Variants in DNAAF1 observed in about 807,000 individuals in gnomAD.
DNAAF1 encodes dynein assembly factor 1, axonemal.
Under a neutral mutation model 71.1 loss-of-function variants are expected in DNAAF1, and 65 were observed. That is an observed-to-expected ratio of 0.91 (90% CI 0.75 to 1.12). The LOEUF is 1.12. Among genes scored for constraint, DNAAF1 ranks in the 50% most tolerant of loss-of-function variants. DNAAF1 has a pLI of 0.00. For synonymous variants in DNAAF1, 414 were observed against 354.6 expected, an observed-to-expected ratio of 1.17 and a Z score of -1.88; for missense variants, 1,178 against 899.8, an observed-to-expected ratio of 1.31 and a Z score of -3.96.
At chr16:84,151,593 G>C (rs1356391688) in intron 3 of DNAAF1, among the ~76,000 whole-genome samples, 2 of 152,152 alleles carry the variant, frequency 1.3e-5, no homozygotes, top group African/African-American at 4.8e-5. Context: ...GCCCATATTA[G>C]TTATCTATTG....
At chr16:84,150,551 G>A (rs2087133636) in intron 3 of DNAAF1, among the ~76,000 whole-genome samples, 1 of 151,892 alleles carries the variant, frequency 6.6e-6, no homozygotes, top group Admixed American at 6.6e-5. Context: ...ACTGGCTATA[G>A]GAATACCAAG....
intron 1 of DNAAF1, 133 bp from the exon 2 acceptor site, chr16:84,148,874 G>C: frequency 1.9e-6 from 2 of 1,053,210 alleles, no homozygotes; most frequent in Non-Finnish European, 2.8e-6. Context: ...ACAGGCCTGA[G>C]CCACCATACC....
chr16:84,167,402 G>A (rs1339431879), intron 7 of DNAAF1, among the ~76,000 whole-genome samples: 1 of 152,078 alleles, frequency 6.6e-6, no homozygotes, highest in Non-Finnish European at 1.5e-5. Flanking sequence ...TGGATGATTA[G>A]CTCCATTTCC....
chr16:84,165,953 T>TGCG lies in DNAAF1; in HGVS notation c.1030+5_1030+7dup, dbSNP rs1567555149. The TGCG allele has an allele frequency of 6.2e-7, 1 of 1,611,838 alleles. No individual in the cohort carries two copies. Among genetic ancestry groups the TGCG allele is most frequent in the Non-Finnish European group, 8.5e-7 (1 of 1,179,574 alleles). On this transcript the variant is annotated splice_donor_region_variant and intron_variant, in intron 7 of 11. Coordinates refer to ENST00000378553, the MANE Select transcript of DNAAF1 (RefSeq NM_178452.6). ...CAGAGAGAGAGTCAAGAGAGAGGTA[T>TGCG]GCGCTCGGCCGAAGACAACAGCCCC...
chr16:84,146,444 C>CG (rs2086914794), intron 1 of DNAAF1, among the ~76,000 whole-genome samples: 1 of 151,942 alleles, frequency 6.6e-6, no homozygotes. Context: ...TGGCCAGGCA[C>CG]GGTGGCTCAC....
chr16:84,155,710 C>G lies in DNAAF1; in HGVS notation c.702C>G (p.Asp234Glu), dbSNP rs1458576387. The G allele has an allele frequency of 1.2e-6, 2 of 1,614,070 alleles. No individual in the cohort carries two copies. The highest frequency in any genetic ancestry group is 2.2e-5 in the South Asian group (2 of 91,072). Residue 234 changes from aspartate to glutamate, a missense_variant, in exon 5 of 12, where the codon GAC (aspartate) becomes GAG (glutamate). Asp to Glu is a conservative substitution (Grantham distance 45). Transcript: ENST00000378553. The stretch of plus-strand genomic sequence containing the variant: ...ACCTTTCGCACAACAAGCTGAGTGA[C>G]CCGGAGATCCTGAGCATTCTGGAAA... ...VLDLSHNKLS[D>E]PEILSILESM...
intron 6 of DNAAF1, 139 bp downstream of exon 6, chr16:84,159,935 T>A: frequency 5.5e-6 from 5 of 907,728 alleles, no homozygotes; most frequent in Non-Finnish European, 8.3e-6. Flanking sequence ...GATGGCTACA[T>A]AATTGACTAT....
chr16:84,175,846 G>A (rs2088620940), intron 10 of DNAAF1, 87 bp from the exon 11 acceptor site: 4 of 1,505,012 alleles, frequency 2.7e-6, no homozygotes, highest in Non-Finnish European at 3.7e-6. Flanking sequence ...GTGACATTGG[G>A]TGAAAAAGCA....
At chr16:84,165,654 A>G in intron 6 of DNAAF1, 129 bp from the exon 7 acceptor site, 1 of 910,176 alleles carries the variant, frequency 1.1e-6, no homozygotes, top group Non-Finnish European at 1.8e-6. Context: ...TACATGTGGA[A>G]CTTTTATCCT....
intron 10 of DNAAF1, chr16:84,175,220 A>G (rs994079196): frequency 9.3e-6 from 2 of 216,168 alleles, no homozygotes; most frequent in African/African-American, 4.6e-5. Context: ...TTTCTTTAAG[A>G]TTTTATGATG....
At chr16:84,156,818 T>TCTTTTCTTTC (rs1397817513) in intron 5 of DNAAF1, among the ~76,000 whole-genome samples, 9 of 151,720 alleles carry the variant, frequency 5.9e-5, no homozygotes, top group African/African-American at 2.2e-4. Flanking sequence ...TCTTTTCTTT[T>TCTTTTCTTTC]CTTTTCTTTC....
chr16:84,151,608 A>G (rs578054187), intron 3 of DNAAF1, among the ~76,000 whole-genome samples: 2 of 152,326 alleles, frequency 1.3e-5, no homozygotes, highest in South Asian at 4.1e-4. Context: ...CTATTGCTAC[A>G]TAATTAACTG....
Position 84,170,173 on chromosome 16 carries a change from C to G in DNAAF1, c.1345C>G (p.Pro449Ala), listed in dbSNP as rs1188239671. The change falls in exon 8 of 12, where the codon CCC (proline) becomes GCC (alanine). Residue 449 changes from proline to alanine, a missense_variant. By Grantham distance (27) the Pro-to-Ala change is conservative (BLOSUM62 -1). Coordinates refer to ENST00000378553, the MANE Select transcript of DNAAF1 (RefSeq NM_178452.6). ...EGTLPAEAPP[P>A]PPPVEVKGED... is the part of the protein sequence containing the mutation. ...GACCCTCCCAGCTGAGGCCCCACCA[C>G]CCCCGCCACCTGTGGAGGTTAAAGG... The G allele has an allele frequency of 6.2e-7, 1 of 1,610,326 alleles. No homozygotes were observed. The highest frequency in any genetic ancestry group is 8.5e-7 in the Non-Finnish European group (1 of 1,178,212).
chr16:84,160,046 G>C (rs1460995577), intron 6 of DNAAF1, among the ~76,000 whole-genome samples: 3 of 152,130 alleles, frequency 2.0e-5, no homozygotes, highest in South Asian at 2.1e-4. Context: ...CCTTGGAATG[G>C]AATTTTTGGA....
intron 1 of DNAAF1, 139 bp downstream of exon 1, chr16:84,145,703 A>G: frequency 1.7e-6 from 2 of 1,161,600 alleles, no homozygotes; most frequent in East Asian, 2.6e-5. Context: ...AACGCTCTGC[A>G]GTAGGGGCTT....
intron 7 of DNAAF1, 132 bp from the exon 8 acceptor site, chr16:84,169,727 G>A (rs967165487): frequency 7.1e-5 from 95 of 1,343,290 alleles, no homozygotes; most frequent in Non-Finnish European, 9.8e-5. Context: ...AGCCCCTTGA[G>A]GACACTTTTT....
rs1279333202 is a variant in DNAAF1 at position 84,159,707 on chromosome 16, C to CA, written c.775dup (p.Arg259LysfsTer5). 1 of 1,613,912 alleles carries CA rather than the reference C, an allele frequency of 6.2e-7. No individual in the cohort carries two copies. Among genetic ancestry groups the CA allele is most frequent in the Non-Finnish European group, 8.5e-7 (1 of 1,179,876 alleles). ...TGAATTTGATGGGAAACCCGGTTAT[C>CA]AGACAGATTCCTAATTACAGAAGGA... is the stretch of plus-strand genomic sequence containing the variant. On this transcript the variant is annotated frameshift_variant, in exon 6 of 12. Coordinates refer to ENST00000378553, the MANE Select transcript of DNAAF1 (RefSeq NM_178452.6). LOFTEE classifies it high-confidence loss of function.
intron 6 of DNAAF1, among the ~76,000 whole-genome samples, chr16:84,161,456 G>C (rs957503734): frequency 2.0e-5 from 3 of 152,146 alleles, no homozygotes; most frequent in African/African-American, 7.2e-5. Context: ...TGCAATCACT[G>C]CAGCTTCAAA....
rs11335691 is a variant in DNAAF1 at position 84,149,690 on chromosome 16, CAA to C, written c.261-543_261-542del. ...CGGGCGGCAGAGTGAGACTCCATCT[CAA>C]AAAAAAAAAAAAAAAAACATACATT... On this transcript the variant is annotated intron_variant, in intron 2 of 11. Transcript: ENST00000378553. Among the ~76,000 whole-genome samples the C allele has an allele frequency of 9.5e-3, 899 of 94,308 alleles. 13 individuals are homozygous for C. The highest frequency in any genetic ancestry group is 0.033 in the African/African-American group (780 of 23,880). The allele number at this position is 94,308 out of a possible 152,430, so 61.9% of individuals were successfully genotyped here.
Sources: gnomAD v4.1 joint callset for allele counts (sites outside exome capture counted in the v4.1 genomes callset) on GRCh38, gnomAD v4.1.1 for gene constraint, MANE v1.5 for transcripts, NCBI Gene and HGNC (gene_info 2026-07-23, HGNC 2026-07-21) for gene names.